The following TJP2 variants were observed in gnomAD, a reference collection of about 807,000 sequenced individuals.
TJP2 encodes the protein Friedreich ataxia region gene X104 (tight junction protein ZO-2).
A neutral mutation model predicts 133.1 loss-of-function variants in TJP2; 91 were observed. The observed-to-expected ratio is 0.68, with a 90% CI of 0.58 to 0.81. TJP2 has a LOEUF of 0.81. Among genes scored for constraint, TJP2 ranks in the 40% least tolerant of loss-of-function variants. TJP2 has a pLI of 0.00. For synonymous variants in TJP2, 592 were observed against 583.4 expected, an observed-to-expected ratio of 1.01 and a Z score of -0.21; for missense variants, 1,541 against 1,565.6, an observed-to-expected ratio of 0.98 and a Z score of 0.26.
At chr9:69,226,523 G>C (rs1829363551) in intron 7 of TJP2, among the ~76,000 whole-genome samples, 1 of 151,930 alleles carries the variant, frequency 6.6e-6, no homozygotes, top group Non-Finnish European at 1.5e-5. Context: ...TTTTGAGACA[G>C]AGTTTCCCTC....
chr9:69,227,833 G>A lies in TJP2; in HGVS notation c.1279G>A (p.Asp427Asn), dbSNP rs1362367984. 6.2e-7 allele frequency: 1 copy of A among 1,613,890 alleles called. No homozygotes were observed. Among genetic ancestry groups the A allele is most frequent in the Non-Finnish European group, 8.5e-7 (1 of 1,179,908 alleles). The change falls in exon 8 of 23, where the codon GAT (aspartate) becomes AAT (asparagine). Residue 427 changes from aspartate (D) to asparagine (N), a missense_variant. Physicochemically the swap from Asp to Asn is conservative, Grantham distance 23. Coordinates refer to ENST00000377245, the MANE Select transcript of TJP2 (RefSeq NM_004817.4). ...GAGACGTCATCAGTATTCTGATTAT[G>A]ATTATCATTCCTCAAGTGAGAAGCT... ...EERRHQYSDY[D>N]YHSSSEKLKE...
chr9:69,167,067 T>C (rs10869956), intron 2 of TJP2, among the ~76,000 whole-genome samples: 92,274 of 151,128 alleles, frequency 0.61, 28,359 homozygotes, highest in Admixed American at 0.69. Context: ...ACCCCGTCTC[T>C]ACGAAAAAAA....
intron 1 of TJP2, among the ~76,000 whole-genome samples, chr9:69,135,564 C>T (rs952504687): frequency 2.4e-4 from 36 of 151,788 alleles, no homozygotes; most frequent in Admixed American, 2.4e-3. Flanking sequence ...CCTCAGCCCC[C>T]TGAGTGGCTG....
chr9:69,214,418 G>C (rs1011560389), intron 2 of TJP2, among the ~76,000 whole-genome samples: 3 of 152,022 alleles, frequency 2.0e-5, no homozygotes, highest in African/African-American at 7.3e-5. Context: ...AAATGAATTA[G>C]GATTATGTAT....
intron 12 of TJP2, among the ~76,000 whole-genome samples, chr9:69,234,764 T>C (rs1271397567): frequency 1.1e-4 from 17 of 152,200 alleles, no homozygotes; most frequent in Non-Finnish European, 1.5e-5. Context: ...ATAATTTTAC[T>C]AGTTGTGTCA....
At chr9:69,235,710 C>T (rs1319944138) in intron 12 of TJP2, among the ~76,000 whole-genome samples, 2 of 152,124 alleles carry the variant, frequency 1.3e-5, no homozygotes, top group South Asian at 2.1e-4. Flanking sequence ...TTGGGGAGGG[C>T]GATCTTCTTT....
intron 1 of TJP2, among the ~76,000 whole-genome samples, chr9:69,133,606 C>T (rs1329994768): frequency 7.3e-6 from 1 of 137,506 alleles, no homozygotes; most frequent in Non-Finnish European, 1.5e-5. Flanking sequence ...GGCTGGAGTA[C>T]AGTGGCGCGA....
intron 2 of TJP2, among the ~76,000 whole-genome samples, chr9:69,168,585 A>G (rs779821966): frequency 2.6e-4 from 39 of 152,084 alleles, no homozygotes; most frequent in Middle Eastern, 3.2e-3. Context: ...ACCTGAGGTC[A>G]GGAGATCGAG....
chr9:69,121,896 T>TG (rs1822160985), intron 1 of TJP2: 1 of 152,702 alleles, frequency 6.5e-6, no homozygotes, highest in South Asian at 2.1e-4. Flanking sequence ...GCTGGTGCCC[T>TG]GGGTCGTTTG....
At chr9:69,225,232 G>C in intron 5 of TJP2, 72 bp from the exon 6 acceptor site, 1 of 947,640 alleles carries the variant, frequency 1.1e-6, no homozygotes. Flanking sequence ...TTTTAAAATA[G>C]TCCTATAAAC....
At chr9:69,231,875 GA>G (rs1388632067) in intron 11 of TJP2, among the ~76,000 whole-genome samples, 16 of 152,132 alleles carry the variant, frequency 1.1e-4, no homozygotes, top group African/African-American at 3.6e-4. Context: ...GCTGATGAAG[GA>G]AAAAGGCATT....
intron 2 of TJP2, among the ~76,000 whole-genome samples, chr9:69,162,454 G>A (rs762946776): frequency 1.7e-4 from 26 of 152,034 alleles, no homozygotes; most frequent in Non-Finnish European, 3.4e-4. Flanking sequence ...AGTCTTACAA[G>A]CTACTTATTT....
chr9:69,172,480 C>T (rs893079862), upstream of TJP2, among the ~76,000 whole-genome samples: 4 of 152,176 alleles, frequency 2.6e-5, no homozygotes, highest in Non-Finnish European at 5.9e-5. Context: ...GTCATTTCCT[C>T]TAATTTTAGT....
chr9:69,209,897 A>C (rs975347048), intron 1 of TJP2, among the ~76,000 whole-genome samples: 2 of 152,224 alleles, frequency 1.3e-5, no homozygotes, highest in African/African-American at 2.4e-5. Context: ...GCACATCTAG[A>C]AAGTCAGACC....
chr9:69,213,925 A>G (rs568741933), intron 2 of TJP2, among the ~76,000 whole-genome samples: 2 of 152,252 alleles, frequency 1.3e-5, no homozygotes, highest in Non-Finnish European at 2.9e-5. Context: ...TTGAGTTTGT[A>G]ATTGTGTATA....
chr9:69,165,800 C>G (rs1437223184), intron 2 of TJP2, among the ~76,000 whole-genome samples: 2 of 152,164 alleles, frequency 1.3e-5, no homozygotes, highest in Non-Finnish European at 2.9e-5. Flanking sequence ...GTGCTCCCTC[C>G]TCCATGTTGC....
chr9:69,213,819 A>G (rs1828131411), intron 2 of TJP2, among the ~76,000 whole-genome samples: 1 of 152,162 alleles, frequency 6.6e-6, no homozygotes, highest in African/African-American at 2.4e-5. Flanking sequence ...GGCTTGGCAT[A>G]GAGGATGGAG....
chr9:69,227,969 C>T lies in TJP2; in HGVS notation c.1320-12C>T, dbSNP rs979788868. The T allele has an allele frequency of 6.2e-7, 1 of 1,614,152 alleles. No individual in the cohort carries two copies. The highest frequency in any genetic ancestry group is 8.5e-7 in the Non-Finnish European group (1 of 1,180,018). ...TATCTCTTGAGACATTTACGTATGACATGTGATTCAGTTCCAGAGAGGACA... is the reference window on the plus strand; with the variant it reads ...TATCTCTTGAGACATTTACGTATGATATGTGATTCAGTTCCAGAGAGGACA... On this transcript the variant is annotated splice_polypyrimidine_tract_variant and intron_variant, in intron 8 of 22. Transcript: ENST00000377245.
At chr9:69,228,833 C>T (rs1168264766) in intron 9 of TJP2, among the ~76,000 whole-genome samples, 2 of 152,114 alleles carry the variant, frequency 1.3e-5, no homozygotes, top group African/African-American at 4.8e-5. Context: ...ACCTCTTCCC[C>T]CAACCCTTCC....
Sources: allele counts gnomAD v4.1 joint callset (sites outside exome capture counted in the v4.1 genomes callset), GRCh38; gene constraint gnomAD v4.1.1; transcripts MANE v1.5; gene names NCBI Gene and HGNC (gene_info 2026-07-23, HGNC 2026-07-21).